WWOX: variants seen among roughly 807,000 people sequenced by gnomAD.
WWOX encodes WW domain-containing oxidoreductase.
Under a neutral mutation model 46.2 loss-of-function variants are expected in WWOX, and 69 were observed. That is an observed-to-expected ratio of 1.49 (90% CI 1.23 to 1.82). The LOEUF is 1.82. WWOX is among the 40% of genes most tolerant of loss of function. The probability of loss-of-function intolerance (pLI) is 0.00; values close to 1 mark genes in which losing one functional copy is unlikely to be tolerated. For missense variants in WWOX, 919 were observed against 542.6 expected, an observed-to-expected ratio of 1.69 and a Z score of -6.89; for synonymous variants, 359 against 202.6, an observed-to-expected ratio of 1.77 and a Z score of -6.56.
chr16:79,020,273 G>C (rs1484105567), intron 8 of WWOX, among the ~76,000 whole-genome samples: 1 of 152,218 alleles, frequency 6.6e-6, no homozygotes, highest in African/African-American at 2.4e-5. Context: ...GACAGTGCCT[G>C]GGGCAGTCAT....
chr16:78,536,815 C>G (rs139507150), intron 8 of WWOX, among the ~76,000 whole-genome samples: 178 of 151,112 alleles, frequency 1.2e-3, no homozygotes, highest in African/African-American at 4.1e-3. Context: ...ATTTCCATGT[C>G]TGTGTAGCTT....
chr16:79,208,641 T>A (rs1008788680), intron 8 of WWOX, among the ~76,000 whole-genome samples: 1 of 151,344 alleles, frequency 6.6e-6, no homozygotes, highest in Non-Finnish European at 1.5e-5. Flanking sequence ...ATTTTTTTTT[T>A]AATCAGTTTA....
intron 5 of WWOX, among the ~76,000 whole-genome samples, chr16:78,213,026 G>A (rs2036606591): frequency 6.6e-6 from 1 of 152,026 alleles, no homozygotes; most frequent in Non-Finnish European, 1.5e-5. Context: ...TGGGAGGTGG[G>A]CGGATCACTT....
chr16:78,638,995 TG>T (rs1227857982), intron 8 of WWOX, among the ~76,000 whole-genome samples: 1 of 152,176 alleles, frequency 6.6e-6, no homozygotes, highest in Non-Finnish European at 1.5e-5. Context: ...AAAGGCTTAC[TG>T]GGTATCAGGG....
intron 8 of WWOX, among the ~76,000 whole-genome samples, chr16:78,621,673 C>T (rs550509230): frequency 2.5e-4 from 32 of 130,010 alleles, no homozygotes; most frequent in Admixed American, 7.1e-4. Context: ...GGCACCATCT[C>T]GGCTCACCAC....
chr16:78,906,396 C>T (rs1323522462), intron 8 of WWOX, among the ~76,000 whole-genome samples: 1 of 152,156 alleles, frequency 6.6e-6, no homozygotes. Context: ...AGGATTTCCT[C>T]TCCTTCCTAC....
intron 5 of WWOX, among the ~76,000 whole-genome samples, chr16:78,200,240 C>G (rs1241212784): frequency 6.6e-6 from 1 of 151,952 alleles, no homozygotes; most frequent in Non-Finnish European, 1.5e-5. Context: ...TTAAAAATTC[C>G]TCGCCCGACT....
In WWOX at chr16:78,425,029, C is replaced by A. The variant is rs1232507130; in HGVS notation, c.765C>A (p.Val255=). ...DVLCRSAPAR[V]IVVSSESHRF... is the part of the protein sequence containing the mutation. ...TGTGCCGCTCAGCTCCTGCCCGTGT[C>A]ATTGTGGTCTCCTCAGAGTCCCATC... The change falls in exon 7 of 9, where the codon GTC becomes GTA. Residue 255 remains valine (V), a synonymous_variant. Transcript: ENST00000566780. The A allele has an allele frequency of 6.2e-7, 1 of 1,613,948 alleles. No homozygotes were observed. The highest frequency in any genetic ancestry group is 8.5e-7 in the Non-Finnish European group (1 of 1,180,010).
At chr16:78,423,694 A>C (rs2083005897) in intron 6 of WWOX, among the ~76,000 whole-genome samples, 1 of 152,060 alleles carries the variant, frequency 6.6e-6, no homozygotes, top group Non-Finnish European at 1.5e-5. Context: ...AATAAGAAAT[A>C]AAATAGCCAT....
At chr16:79,108,237 C>G (rs1214825214) in intron 8 of WWOX, among the ~76,000 whole-genome samples, 1 of 152,242 alleles carries the variant, frequency 6.6e-6, no homozygotes, top group Non-Finnish European at 1.5e-5. Context: ...ACTAGACCCT[C>G]TTACAAGCAA....
At chr16:78,434,294 C>T (rs78723052) in intron 8 of WWOX, among the ~76,000 whole-genome samples, 11,193 of 152,156 alleles carry the variant, frequency 0.074, 481 homozygotes, top group African/African-American at 0.096. Context: ...GGATTGATCT[C>T]TAGGAAGTAA....
intron 8 of WWOX, among the ~76,000 whole-genome samples, chr16:79,149,691 C>G (rs2050241746): frequency 6.6e-6 from 1 of 152,228 alleles, no homozygotes; most frequent in Non-Finnish European, 1.5e-5. Context: ...ATCTGTACTT[C>G]TCTCAGCTGG....
chr16:79,031,904 A>C (rs1292637059), intron 8 of WWOX, among the ~76,000 whole-genome samples: 1,296 of 52,508 alleles, frequency 0.025, 19 homozygotes, highest in African/African-American at 0.054. Context: ...AGATATCTAT[A>C]TATATAGATA....
At chr16:78,963,495 A>T (rs575677552) in intron 8 of WWOX, among the ~76,000 whole-genome samples, 46 of 152,204 alleles carry the variant, frequency 3.0e-4, no homozygotes, top group African/African-American at 9.4e-4. Context: ...AACAAACAAA[A>T]AGCTAAATAA....
intron 8 of WWOX, among the ~76,000 whole-genome samples, chr16:78,564,647 C>T (rs1016768517): frequency 2.6e-5 from 4 of 152,098 alleles, no homozygotes; most frequent in Non-Finnish European, 5.9e-5. Context: ...TGAGAATATT[C>T]CCTTCTTTTA....
At position 78,816,667 on chromosome 16, in the gene WWOX, G is replaced by C. The variant is rs2051338972; in HGVS notation, c.1056+383915G>C. ...ACATTAAAAGCACAACCAAATTGTA[G>C]TACAATGTTCAGGACACTTTTATGT... On this transcript the variant is annotated intron_variant, in intron 8 of 8. Transcript: ENST00000566780. Among the ~76,000 whole-genome samples the C allele has an allele frequency of 2.6e-5, 4 of 152,034 alleles. No individual in the cohort carries two copies. In the South Asian group the frequency reaches 8.3e-4, roughly 32 times the overall value.
At chr16:78,803,268 A>T (rs1365679599) in intron 8 of WWOX, among the ~76,000 whole-genome samples, 3 of 150,558 alleles carry the variant, frequency 2.0e-5, no homozygotes, top group Admixed American at 1.3e-4. Context: ...TCTCCAAACC[A>T]CCACGTGCTC....
chr16:78,297,518 C>CT (rs368350719), intron 5 of WWOX, among the ~76,000 whole-genome samples: 2 of 152,288 alleles, frequency 1.3e-5, no homozygotes, highest in African/African-American at 4.8e-5. Flanking sequence ...AAGAGGCAAT[C>CT]TGACAATTTC....
intron 8 of WWOX, among the ~76,000 whole-genome samples, chr16:79,095,173 A>G (rs911739314): frequency 6.6e-6 from 1 of 152,178 alleles, no homozygotes; most frequent in Non-Finnish European, 1.5e-5. Flanking sequence ...TGCTGGAGAA[A>G]GAGCTGCTGT....
Sources: allele counts gnomAD v4.1 joint callset (sites outside exome capture counted in the v4.1 genomes callset), GRCh38; gene constraint gnomAD v4.1.1; transcripts MANE v1.5; gene names NCBI Gene and HGNC (gene_info 2026-07-23, HGNC 2026-07-21).